The following BLTP2 variants were observed in gnomAD, a reference collection of about 807,000 sequenced individuals.
The protein encoded by BLTP2 is bridge-like lipid transfer protein family member 2, also known as U937-associated antigen.
chr17:28,640,170 G>A, the BLTP2 span: 4 of 818,948 alleles, frequency 4.9e-6, no homozygotes, highest in East Asian at 1.1e-4. Flanking sequence ...CGAGGCAGGG[G>A]GATCACGAGG....
At chr17:28,621,481 C>T in the BLTP2 span, 1 of 1,614,082 alleles carries the variant, frequency 6.2e-7, no homozygotes, top group South Asian at 1.1e-5. Context: ...GCTGCCGGTG[C>T]TCCTCGATAT....
the BLTP2 span, chr17:28,639,146 A>G: frequency 1.5e-5 from 10 of 681,108 alleles, no homozygotes; most frequent in Non-Finnish European, 2.3e-5. Context: ...TTCTGCTATC[A>G]AGGAGTCTAG....
At chr17:28,635,719 A>C in the BLTP2 span, 1 of 1,161,128 alleles carries the variant, frequency 8.6e-7, no homozygotes, top group South Asian at 1.6e-5. Context: ...TCCACCCAGA[A>C]GTTGTTCCTG....
the BLTP2 span, chr17:28,644,898 G>A: frequency 1.5e-5 from 17 of 1,134,100 alleles, no homozygotes; most frequent in Non-Finnish European, 2.2e-5. Flanking sequence ...GCCTCAGTAA[G>A]GCGCGCGCCC....
At chr17:28,643,097 T>C in the BLTP2 span, 1 of 1,601,322 alleles carries the variant, frequency 6.2e-7, no homozygotes, top group Admixed American at 1.7e-5. Context: ...AACAGAAAAA[T>C]CTACCCATAA....
the BLTP2 span, chr17:28,620,145 A>C: frequency 1.8e-5 from 15 of 811,560 alleles, no homozygotes; most frequent in Non-Finnish European, 2.5e-5. Context: ...GTCACTGGTA[A>C]TAGCAACAGT....
At chr17:28,634,369 A>T in the BLTP2 span, 117 of 809,294 alleles carry the variant, frequency 1.4e-4, no homozygotes, top group Non-Finnish European at 2.1e-4. Context: ...TCAGGAACAA[A>T]GAAAGGGAAG....
the BLTP2 span, chr17:28,640,013 C>G: frequency 6.2e-7 from 1 of 1,613,738 alleles, no homozygotes; most frequent in Non-Finnish European, 8.5e-7. Flanking sequence ...GCTTCAGAGT[C>G]CAAGTCAGGT....
the BLTP2 span, chr17:28,616,197 G>A: frequency 1.2e-6 from 2 of 1,613,470 alleles, no homozygotes; most frequent in African/African-American, 2.7e-5. The surrounding 1 kb of genome is among the most constrained non-coding windows in gnomAD (Gnocchi z 4.8). Flanking sequence ...TCCACAGGGT[G>A]CTAAGAAAGG....
At chr17:28,623,160 T>TA in the BLTP2 span, among the ~76,000 whole-genome samples, 1 of 151,740 alleles carries the variant, frequency 6.6e-6, no homozygotes, top group African/African-American at 2.4e-5. Flanking sequence ...AAAAAAAAAA[T>TA]AAGAGTACTT....
the BLTP2 span, among the ~76,000 whole-genome samples, chr17:28,618,394 G>A: frequency 6.6e-6 from 1 of 152,090 alleles, no homozygotes; most frequent in Non-Finnish European, 1.5e-5. Context: ...TGGGACCACA[G>A]GTATGCACCA....
chr17:28,635,632 ATC>A, the BLTP2 span: 165 of 1,589,612 alleles, frequency 1.0e-4, no homozygotes, highest in Non-Finnish European at 1.4e-4. Flanking sequence ...GAAGAAAAGG[ATC>A]TGTCAATTAC....
chr17:28,619,594 G>C, the BLTP2 span: 3 of 1,606,530 alleles, frequency 1.9e-6, no homozygotes, highest in East Asian at 2.2e-5. Context: ...ACATGGGCAA[G>C]AAAGAGAACT....
At chr17:28,634,977 T>C in the BLTP2 span, 1 of 1,612,976 alleles carries the variant, frequency 6.2e-7, no homozygotes, top group Non-Finnish European at 8.5e-7. Flanking sequence ...CCTTTAAGAG[T>C]AGATCAGGTG....
the BLTP2 span, chr17:28,638,716 C>G: frequency 3.5e-6 from 3 of 850,812 alleles, no homozygotes; most frequent in South Asian, 5.0e-5. Context: ...GTTTCTGAAG[C>G]TCTCACAATC....
At chr17:28,623,090 A>G in the BLTP2 span, among the ~76,000 whole-genome samples, 1 of 152,088 alleles carries the variant, frequency 6.6e-6, no homozygotes, top group African/African-American at 2.4e-5. Context: ...CAAACAAACA[A>G]AAAAAACAAA....
At chr17:28,644,731 A>G in the BLTP2 span, among the ~76,000 whole-genome samples, 6 of 152,234 alleles carry the variant, frequency 3.9e-5, no homozygotes, top group South Asian at 6.2e-4. Flanking sequence ...TCACACTCCT[A>G]TTCAGTTCCT....
At chr17:28,615,020 G>T in the BLTP2 span, 4 of 1,563,808 alleles carry the variant, frequency 2.6e-6, no homozygotes, top group East Asian at 9.0e-5. Context: ...CCTGGAGCCT[G>T]AGCCAGAGTC....
At chr17:28,633,053 G>C in the BLTP2 span, 4 of 1,591,324 alleles carry the variant, frequency 2.5e-6, no homozygotes, top group East Asian at 4.5e-5. Context: ...AGGAACTCTG[G>C]GGCCCGCAGA....
Sources: allele counts gnomAD v4.1 joint callset (sites outside exome capture counted in the v4.1 genomes callset), GRCh38; gene constraint gnomAD v4.1.1; non-coding constraint Gnocchi (gnomAD v3.1); transcripts MANE v1.5; gene names NCBI Gene and HGNC (gene_info 2026-07-23, HGNC 2026-07-21).